CYRIB: variants seen among roughly 807,000 people sequenced by gnomAD.
CYRIB encodes CYFIP related Rac1 interactor B, also known as CYFIP-related Rac1 interactor B.
A neutral mutation model predicts 44.2 loss-of-function variants in CYRIB; 8 were observed. That is an observed-to-expected ratio of 0.18 (90% CI 0.11 to 0.33). The LOEUF (loss-of-function observed/expected upper bound fraction) is 0.33, where lower values mean the gene tolerates loss of function less well. Among genes scored for constraint, CYRIB ranks in the 10% least tolerant of loss-of-function variants. The pLI, the probability that CYRIB is intolerant of heterozygous loss-of-function variation, is 1.00. For missense variants in CYRIB, 185 were observed against 382.8 expected, an observed-to-expected ratio of 0.48 and a Z score of 4.31; for synonymous variants, 131 against 127.2, an observed-to-expected ratio of 1.03 and a Z score of -0.20.
At chr8:129,860,129 G>A (rs1199556545) in intron 5 of CYRIB, among the ~76,000 whole-genome samples, 1 of 152,194 alleles carries the variant, frequency 6.6e-6, no homozygotes, top group Non-Finnish European at 1.5e-5. Context: ...CTTCATAGTT[G>A]CATGCTGCTC....
chr8:129,994,294 C>T (rs1369696082), intron 1 of CYRIB, among the ~76,000 whole-genome samples: 1 of 152,124 alleles, frequency 6.6e-6, no homozygotes, highest in African/African-American at 2.4e-5. Context: ...GGAACAGACT[C>T]TCCCACACAT....
intron 1 of CYRIB, among the ~76,000 whole-genome samples, chr8:130,016,144 T>TCCCCCGGGA (rs1361091798): frequency 6.9e-6 from 1 of 144,862 alleles, no homozygotes; most frequent in Non-Finnish European, 1.5e-5. Flanking sequence ...TCGAGGCGCC[T>TCCCCCGGGA]CCCCCGGGAC....
At chr8:130,014,071 C>A (rs979819298) in intron 1 of CYRIB, among the ~76,000 whole-genome samples, 2 of 152,202 alleles carry the variant, frequency 1.3e-5, no homozygotes, top group Non-Finnish European at 2.9e-5. Context: ...CCTGCACTCT[C>A]TCTAAGTCTC....
intron 3 of CYRIB, among the ~76,000 whole-genome samples, chr8:129,872,145 CAGA>C (rs989919281): frequency 1.3e-5 from 2 of 152,000 alleles, no homozygotes; most frequent in African/African-American, 4.8e-5. Context: ...TGCTGATGAA[CAGA>C]AGGTCAAGAA....
chr8:130,007,710 G>A (rs2134250663), intron 1 of CYRIB, among the ~76,000 whole-genome samples: 1 of 152,238 alleles, frequency 6.6e-6, no homozygotes, highest in Non-Finnish European at 1.5e-5. Context: ...CTTGAACCTG[G>A]GAGACGGAGG....
Position 130,006,629 on chromosome 8 carries a change from C to CATATATATGTGTATATATACACAT in CYRIB, c.-296+9740_-296+9741insATGTGTATATATACACATATATAT, listed in dbSNP as rs1564799320. ...ATACATATATATGTGTATATATATACATATATATGTGTATATATATACATA... is the reference window on the plus strand; with the variant it reads ...ATACATATATATGTGTATATATATACATATATATGTGTATATATACACATATATATATGTGTATATATATACATA... On this transcript the variant is annotated intron_variant, in intron 1 of 14. Transcript: ENST00000401979. 4.0e-3 allele frequency among the ~76,000 whole-genome samples: 93 copies of CATATATATGTGTATATATACACAT among 23,134 alleles called. 1 individual carries two copies. The African/African-American group carries it at 0.063, about 16-fold the overall frequency. The allele number at this position is 23,134 out of a possible 152,430, so 15.2% of individuals were successfully genotyped here.
chr8:130,006,658 A>G (rs1178251929), intron 1 of CYRIB, among the ~76,000 whole-genome samples: 9 of 128,352 alleles, frequency 7.0e-5, no homozygotes, highest in South Asian at 2.3e-4. Flanking sequence ...ATACATATAT[A>G]TATGTATATA....
chr8:129,987,028 T>A (rs1411053438), intron 1 of CYRIB, among the ~76,000 whole-genome samples: 3 of 152,186 alleles, frequency 2.0e-5, no homozygotes, highest in Non-Finnish European at 2.9e-5. Context: ...AAGAGACTTC[T>A]CTCACACTTT....
intron 5 of CYRIB, among the ~76,000 whole-genome samples, chr8:129,861,791 G>A (rs1232044958): frequency 2.0e-5 from 3 of 152,024 alleles, no homozygotes; most frequent in African/African-American, 2.4e-5. Flanking sequence ...TGAATTAAGC[G>A]TAACCAGTAA....
chr8:129,901,063 C>T (rs2071448563), intron 2 of CYRIB, among the ~76,000 whole-genome samples: 1 of 152,354 alleles, frequency 6.6e-6, no homozygotes, highest in South Asian at 2.1e-4. Flanking sequence ...CTCTCTTTCT[C>T]CACAAAATTT....
intron 1 of CYRIB, among the ~76,000 whole-genome samples, chr8:129,918,576 T>C (rs949225103): frequency 6.6e-6 from 1 of 152,198 alleles, no homozygotes; most frequent in Non-Finnish European, 1.5e-5. Flanking sequence ...GAGATAAAGG[T>C]ATATTCCATG....
intron 4 of CYRIB, among the ~76,000 whole-genome samples, chr8:129,866,159 C>A (rs1010276936): frequency 5.3e-5 from 8 of 152,204 alleles, no homozygotes; most frequent in Non-Finnish European, 1.0e-4. Context: ...CCTGCTCAAA[C>A]TACCCTAAAA....
Position 129,923,192 on chromosome 8 carries a change from G to A in CYRIB, c.-50+16416C>T, listed in dbSNP as rs1242837842. ...TGGGAGGCAGAGGTTGTGGTGAGCCGATATCGCGCCATTGCACTCTAGCCT... is the reference window on the plus strand; with the variant it reads ...TGGGAGGCAGAGGTTGTGGTGAGCCAATATCGCGCCATTGCACTCTAGCCT... On this transcript the variant is annotated intron_variant, in intron 1 of 11. Transcript: ENST00000519824. Among the ~76,000 whole-genome samples, 5 of 149,926 alleles carry A rather than the reference G, an allele frequency of 3.3e-5. No individual in the cohort carries two copies. In the South Asian group the frequency reaches 6.3e-4, roughly 19 times the overall value.
At chr8:130,011,758 G>A (rs1003798926) in intron 1 of CYRIB, among the ~76,000 whole-genome samples, 9 of 152,154 alleles carry the variant, frequency 5.9e-5, no homozygotes, top group African/African-American at 9.6e-5. Context: ...GCATGAATCC[G>A]GGAGGCGGAG....
intron 2 of CYRIB, among the ~76,000 whole-genome samples, chr8:129,945,375 C>T (rs1042104869): frequency 1.3e-5 from 2 of 152,210 alleles, no homozygotes; most frequent in African/African-American, 4.8e-5. Context: ...ACCTGCTCTA[C>T]AACTTACACA....
At chr8:129,897,479 T>A (rs1040473607) in intron 2 of CYRIB, among the ~76,000 whole-genome samples, 3 of 151,592 alleles carry the variant, frequency 2.0e-5, no homozygotes, top group African/African-American at 7.3e-5. Context: ...TAACAAACCA[T>A]TAAATATATG....
At chr8:129,929,110 G>T (rs1283090814) in intron 1 of CYRIB, among the ~76,000 whole-genome samples, 2 of 152,160 alleles carry the variant, frequency 1.3e-5, no homozygotes, top group East Asian at 3.9e-4. Flanking sequence ...CAATAGAAAG[G>T]AACAAATTAC....
At chr8:129,955,605 C>T (rs1000863324) in intron 2 of CYRIB, among the ~76,000 whole-genome samples, 4 of 152,174 alleles carry the variant, frequency 2.6e-5, no homozygotes, top group African/African-American at 9.7e-5. Context: ...CTCTTACAAG[C>T]GTTCTACGGT....
chr8:129,852,319 T>A (rs770388688), intron 7 of CYRIB, 41 bp from the exon 10 acceptor site: 40 of 1,250,020 alleles, frequency 3.2e-5, no homozygotes, highest in Non-Finnish European at 4.1e-5. Context: ...GTTCACAAAT[T>A]ATTACATATA....
Sources: gnomAD v4.1 joint callset for allele counts (sites outside exome capture counted in the v4.1 genomes callset) on GRCh38, gnomAD v4.1.1 for gene constraint, MANE v1.5 for transcripts, NCBI Gene and HGNC (gene_info 2026-07-23, HGNC 2026-07-21) for gene names.